The following ZNF280D variants were observed in gnomAD, a reference collection of about 807,000 sequenced individuals.
ZNF280D encodes the protein suppressor of hairy wing homolog 4.
In ZNF280D, 39 loss-of-function variants were observed where a neutral mutation model predicts 94.7. That is an observed-to-expected ratio of 0.41 (90% CI 0.32 to 0.54). The LOEUF is 0.54. Among genes scored for constraint, ZNF280D ranks in the 20% least tolerant of loss-of-function variants. The pLI, the probability that ZNF280D is intolerant of heterozygous loss-of-function variation, is 0.22. For synonymous variants in ZNF280D, 398 were observed against 377.6 expected, an observed-to-expected ratio of 1.05 and a Z score of -0.63; for missense variants, 1,090 against 1,149.3, an observed-to-expected ratio of 0.95 and a Z score of 0.75.
rs543865046 is a variant in ZNF280D, at chr15:56,703,973, T to C, written c.175+148A>G. 5 of 803,764 alleles carry C rather than the reference T, an allele frequency of 6.2e-6. No individual in the cohort carries two copies. In the African/African-American group the frequency reaches 9.1e-5, roughly 15 times the overall value. 49.8% of individuals were successfully genotyped at this position (803,764 alleles called of 1,614,324 possible). A position where few individuals can be genotyped will look rare whatever the true frequency, so the allele number is the denominator to read the frequency against. On this transcript the variant is annotated intron_variant, in intron 4 of 21. Coordinates refer to ENST00000267807, the MANE Select transcript of ZNF280D (RefSeq NM_017661.4). The stretch of plus-strand genomic sequence containing the variant: ...ATTTCTCTTTTCTGACATCTGATAT[T>C]TAATCTCTTACCTCCTTCCTCAAGT...
chr15:56,660,050 G>C (rs1195335768), intron 16 of ZNF280D, among the ~76,000 whole-genome samples: 1 of 151,974 alleles, frequency 6.6e-6, no homozygotes, highest in African/African-American at 2.4e-5. Context: ...CAACCTAGGA[G>C]TAATTACTAT....
intron 19 of ZNF280D, among the ~76,000 whole-genome samples, chr15:56,651,538 A>G (rs1388347504): frequency 1.3e-5 from 2 of 152,116 alleles, no homozygotes; most frequent in Non-Finnish European, 2.9e-5. Flanking sequence ...TGAATTTGAT[A>G]CATACTATAA....
Position 56,654,249 on chromosome 15 carries a change from A to C in ZNF280D, c.2177-15T>G, listed in dbSNP as rs1350878988. The C allele has an allele frequency of 6.2e-7, 1 of 1,610,254 alleles. No homozygotes were observed. The highest frequency in any genetic ancestry group is 1.7e-5 in the Admixed American group (1 of 59,284). On this transcript the variant is annotated splice_polypyrimidine_tract_variant and intron_variant, in intron 18 of 21. Transcript: ENST00000267807. ...ACAAACAGAAACTGAAATTAGAAGA[A>C]AAGTTTTACATTTACAACAGCATAT...
At chr15:56,728,040 T>C (rs2058714275) in intron 1 of ZNF280D, among the ~76,000 whole-genome samples, 2 of 152,036 alleles carry the variant, frequency 1.3e-5, no homozygotes, top group African/African-American at 4.8e-5. Context: ...ATACATTTTT[T>C]TTTTTTTAAG....
intron 9 of ZNF280D, among the ~76,000 whole-genome samples, chr15:56,686,711 T>C (rs1436717035): frequency 2.0e-5 from 3 of 152,262 alleles, no homozygotes; most frequent in East Asian, 3.9e-4. Flanking sequence ...CCACATAATA[T>C]TGAATACCCC....
chr15:56,656,943 C>A (rs780980946), intron 17 of ZNF280D, among the ~76,000 whole-genome samples: 22 of 152,038 alleles, frequency 1.4e-4, no homozygotes, highest in Non-Finnish European at 2.5e-4. Flanking sequence ...CTAAAGGAGA[C>A]AAAAGAGCTA....
At chr15:56,709,442 A>T (rs1490349256) in intron 1 of ZNF280D, among the ~76,000 whole-genome samples, 9 of 152,104 alleles carry the variant, frequency 5.9e-5, no homozygotes, top group African/African-American at 9.7e-5. Flanking sequence ...ATTGTGGAAG[A>T]CAGTGTGGCG....
At chr15:56,652,289 T>G (rs1263762468) in intron 19 of ZNF280D, among the ~76,000 whole-genome samples, 1 of 152,130 alleles carries the variant, frequency 6.6e-6, no homozygotes, top group African/African-American at 2.4e-5. Context: ...AAAAGGCATT[T>G]TGCTAGTCTT....
intron 1 of ZNF280D, among the ~76,000 whole-genome samples, chr15:56,718,245 G>A (rs917716598): frequency 7.2e-5 from 11 of 151,884 alleles, no homozygotes; most frequent in African/African-American, 2.7e-4. Context: ...TATAATGAAT[G>A]AAGCAGTTAG....
intron 1 of ZNF280D, 111 bp from the exon 2 acceptor site, chr15:56,707,417 C>G: frequency 1.2e-6 from 1 of 831,318 alleles, no homozygotes; most frequent in Non-Finnish European, 1.7e-6. Flanking sequence ...ATCTGATATA[C>G]ACATATAGTT....
chr15:56,688,111 G>C (rs1435182305), intron 9 of ZNF280D, among the ~76,000 whole-genome samples: 1 of 151,886 alleles, frequency 6.6e-6, no homozygotes, highest in Non-Finnish European at 1.5e-5. Flanking sequence ...AAACACAGCA[G>C]GATACTATAA....
intron 1 of ZNF280D, among the ~76,000 whole-genome samples, chr15:56,727,003 C>A (rs958718974): frequency 3.3e-5 from 5 of 152,198 alleles, no homozygotes; most frequent in South Asian, 2.1e-4. Flanking sequence ...TTTAACCCCC[C>A]CAAAAAAGGG....
At chr15:56,638,381 A>G (rs1452566264) in intron 20 of ZNF280D, among the ~76,000 whole-genome samples, 2 of 152,240 alleles carry the variant, frequency 1.3e-5, no homozygotes, top group African/African-American at 4.8e-5. Flanking sequence ...AAAGCAAAAA[A>G]AGTCAGTGAT....
intron 16 of ZNF280D, among the ~76,000 whole-genome samples, chr15:56,662,524 T>C (rs1404073758): frequency 6.6e-6 from 1 of 151,788 alleles, no homozygotes; most frequent in Non-Finnish European, 1.5e-5. Context: ...CACAAATAAA[T>C]ACAATAAAAG....
chr15:56,723,749 C>T (rs1450858764), intron 1 of ZNF280D, among the ~76,000 whole-genome samples: 1 of 152,104 alleles, frequency 6.6e-6, no homozygotes, highest in African/African-American at 2.4e-5. Flanking sequence ...CCCATAGAAC[C>T]TCACACCTAA....
At chr15:56,682,158 T>C (rs188716138) in intron 10 of ZNF280D, 96 bp downstream of exon 10, 568 of 856,720 alleles carry the variant, frequency 6.6e-4, no homozygotes, top group Non-Finnish European at 9.5e-4. Context: ...TAAAATCACT[T>C]ACCTAGAATG....
chr15:56,714,353 A>T (rs2057926084), intron 1 of ZNF280D, among the ~76,000 whole-genome samples: 1 of 152,220 alleles, frequency 6.6e-6, no homozygotes, highest in East Asian at 1.9e-4. Flanking sequence ...ATTTTTATGA[A>T]GAATATTGTC....
At chr15:56,716,560 A>G (rs1368556620) in intron 1 of ZNF280D, among the ~76,000 whole-genome samples, 2 of 152,052 alleles carry the variant, frequency 1.3e-5, no homozygotes, top group South Asian at 4.1e-4. Context: ...ACATAGAGAT[A>G]GACAAGAGTT....
At chr15:56,668,560 A>G (rs1332001782) in intron 14 of ZNF280D, among the ~76,000 whole-genome samples, 3 of 152,110 alleles carry the variant, frequency 2.0e-5, no homozygotes, top group African/African-American at 4.8e-5. Context: ...AATAGCCTAT[A>G]AAATATTGAA....
Sources: gnomAD v4.1 joint callset for allele counts (sites outside exome capture counted in the v4.1 genomes callset) on GRCh38, gnomAD v4.1.1 for gene constraint, MANE v1.5 for transcripts, NCBI Gene and HGNC (gene_info 2026-07-23, HGNC 2026-07-21) for gene names.